Variants in PSMD14 observed in about 807,000 individuals in gnomAD.
PSMD14 encodes proteasome 26S subunit, non-ATPase 14, also known as ubiquitin C-terminal hydrolase PSMD14.
Under a neutral mutation model 41.2 loss-of-function variants are expected in PSMD14, and 7 were observed. That is an observed-to-expected ratio of 0.17 (90% CI 0.10 to 0.32). The LOEUF is 0.32. PSMD14 is among the 10% of genes least tolerant of loss of function. The pLI, the probability that PSMD14 is intolerant of heterozygous loss-of-function variation, is 1.00. For missense variants in PSMD14, 139 were observed against 375.6 expected (o/e 0.37, Z 5.21); for synonymous variants, 114 against 122.3 (o/e 0.93, Z 0.45).
intron 6 of PSMD14, 52 bp from the exon 7 acceptor site, chr2:161,371,120 T>C (rs1400764018): frequency 2.6e-6 from 4 of 1,559,256 alleles, no homozygotes; most frequent in African/African-American, 1.4e-5. Context: ...TTTCATATCA[T>C]AAATGTATTA....
chr2:161,341,251 G>A, intron 3 of PSMD14: 1 of 1,003,258 alleles, frequency 1.0e-6, no homozygotes, highest in African/African-American at 1.8e-5. Context: ...CGCCGCACCA[G>A]TAGCCAGGCG....
At position 161,357,076 on chromosome 2, in the gene PSMD14, C is replaced by CTTTTTTTTTTTTTTTTTTTTTT. The variant is rs71281822; in HGVS notation, c.49-10390_49-10389insTTTTTTTTTTTTTTTTTTTTTT. ...TTTATGCTGTTATAATGGCAAATGC[C>CTTTTTTTTTTTTTTTTTTTTTT]TTTTTTTTTTTTAGCACTTAGTCAA... On this transcript the variant is annotated intron_variant, in intron 3 of 11. Coordinates refer to ENST00000409682, the MANE Select transcript of PSMD14 (RefSeq NM_005805.6). Among the ~76,000 whole-genome samples the CTTTTTTTTTTTTTTTTTTTTTT allele has an allele frequency of 3.5e-3, 429 of 123,992 alleles. 24 individuals carry two copies. Among genetic ancestry groups the CTTTTTTTTTTTTTTTTTTTTTT allele is most frequent in the African/African-American group, 5.4e-3 (169 of 31,420 alleles). 81.3% of individuals were successfully genotyped at this position (123,992 alleles called of 152,430 possible).
chr2:161,376,686 GA>G (rs769888305), intron 7 of PSMD14, among the ~76,000 whole-genome samples: 9 of 152,002 alleles, frequency 5.9e-5, no homozygotes, highest in Non-Finnish European at 8.8e-5. Flanking sequence ...ATATTACTTT[GA>G]AACTTGGGCC....
chr2:161,371,339 CT>C lies in PSMD14; in HGVS notation c.462+20del, dbSNP rs1457386073. The stretch of plus-strand genomic sequence containing the variant: ...AAAGGAAAGGTAGAGTAGATTCTAT[CT>C]TTATTGCCATCTACTGCCACATTCT... On this transcript the variant is annotated intron_variant, in intron 7 of 11. Transcript: ENST00000409682. 25 of 1,596,456 alleles carry C rather than the reference CT, an allele frequency of 1.6e-5. No individual in the cohort carries two copies. Among genetic ancestry groups the C allele is most frequent in the Non-Finnish European group, 2.1e-5 (25 of 1,169,874 alleles).
chr2:161,396,838 T>G (rs757132935), intron 10 of PSMD14, among the ~76,000 whole-genome samples: 2 of 152,104 alleles, frequency 1.3e-5, no homozygotes, highest in Non-Finnish European at 2.9e-5. Flanking sequence ...TTTGTTTGTT[T>G]GCTTTTTGAG....
intron 8 of PSMD14, among the ~76,000 whole-genome samples, chr2:161,390,162 C>T (rs1445551957): frequency 6.6e-6 from 1 of 151,864 alleles, no homozygotes; most frequent in Non-Finnish European, 1.5e-5. Flanking sequence ...CCCCTTCTTC[C>T]TCTACCTCAG....
intron 8 of PSMD14, among the ~76,000 whole-genome samples, chr2:161,389,242 T>C (rs1456875456): frequency 1.3e-5 from 2 of 152,138 alleles, no homozygotes; most frequent in Middle Eastern, 3.2e-3. Flanking sequence ...ATGACCACCA[T>C]GTAGGGTTGT....
intron 7 of PSMD14, among the ~76,000 whole-genome samples, chr2:161,373,608 C>T (rs1028764666): frequency 2.0e-5 from 3 of 151,766 alleles, no homozygotes; most frequent in Admixed American, 6.6e-5. Flanking sequence ...CCTTTTCCTG[C>T]GTGTGATTTA....
At chr2:161,310,429 C>T (rs773356756) in intron 1 of PSMD14, among the ~76,000 whole-genome samples, 1 of 152,082 alleles carries the variant, frequency 6.6e-6, no homozygotes, top group Non-Finnish European at 1.5e-5. Flanking sequence ...GAAAGCCTTG[C>T]CTGAATATCC....
At chr2:161,378,168 A>G (rs529718455) in intron 7 of PSMD14, among the ~76,000 whole-genome samples, 2 of 152,082 alleles carry the variant, frequency 1.3e-5, no homozygotes, top group East Asian at 3.9e-4. Context: ...TTCTTCAGTC[A>G]TAATTGATCC....
Position 161,327,946 on chromosome 2 carries a change from C to CTGTGTGTGTGTGTGTGTGTGTGTGTG in PSMD14, c.48+9086_48+9111dup, listed in dbSNP as rs369674882. Among the ~76,000 whole-genome samples, 365 of 117,122 alleles carry CTGTGTGTGTGTGTGTGTGTGTGTGTG rather than the reference C, an allele frequency of 3.1e-3. 13 individuals are homozygous for CTGTGTGTGTGTGTGTGTGTGTGTGTG. The highest frequency in any genetic ancestry group is 0.015 in the East Asian group (51 of 3,396). 76.8% of individuals were successfully genotyped at this position (117,122 alleles called of 152,430 possible). A position where few individuals can be genotyped will look rare whatever the true frequency, so the allele number is the denominator to read the frequency against. On this transcript the variant is annotated intron_variant, in intron 3 of 11. Coordinates refer to ENST00000409682, the MANE Select transcript of PSMD14 (RefSeq NM_005805.6). The stretch of plus-strand genomic sequence containing the variant: ...GGGGAAGCAGGAATTCTCATGTAAG[C>CTGTGTGTGTGTGTGTGTGTGTGTGTG]TGTGTGTGTGTGTGTGTGTGTGTGT...
Position 161,411,290 on chromosome 2 carries a change from T to C in PSMD14, c.835-12T>C, listed in dbSNP as rs116809341. The C allele has an allele frequency of 1.6e-3, 2,588 of 1,568,926 alleles. 36 individuals are homozygous for C. In the African/African-American group the frequency reaches 0.029, roughly 18 times the overall value. On this transcript the variant is annotated splice_polypyrimidine_tract_variant and intron_variant, in intron 11 of 11. Transcript: ENST00000409682. ...GGTTCTGTTTTCTCTTTCCTCATTT[T>C]TGTTCTTTTAGGACCCCAAACGTCA...
Position 161,357,076 on chromosome 2 carries a change from C to CTTTTTTTTTTTTTTTTTTTTTTTTT in PSMD14, c.49-10390_49-10389insTTTTTTTTTTTTTTTTTTTTTTTTT, listed in dbSNP as rs71281822. ...TTTATGCTGTTATAATGGCAAATGC[C>CTTTTTTTTTTTTTTTTTTTTTTTTT]TTTTTTTTTTTTAGCACTTAGTCAA... On this transcript the variant is annotated intron_variant, in intron 3 of 11. Transcript: ENST00000409682. Among the ~76,000 whole-genome samples the CTTTTTTTTTTTTTTTTTTTTTTTTT allele has an allele frequency of 3.0e-3, 375 of 124,046 alleles. 48 individuals carry two copies. The highest frequency in any genetic ancestry group is 0.011 in the African/African-American group (340 of 31,356). 81.4% of individuals were successfully genotyped at this position (124,046 alleles called of 152,430 possible).
At chr2:161,351,423 C>T (rs916977467) in intron 3 of PSMD14, among the ~76,000 whole-genome samples, 3 of 152,192 alleles carry the variant, frequency 2.0e-5, no homozygotes, top group Admixed American at 2.0e-4. Context: ...CTTCTCATAT[C>T]TCAAAGTAGC....
intron 3 of PSMD14, among the ~76,000 whole-genome samples, chr2:161,328,695 C>A (rs926309863): frequency 1.3e-5 from 2 of 152,032 alleles, no homozygotes; most frequent in Admixed American, 6.6e-5. Flanking sequence ...AACTGAATAA[C>A]TGAATTTCTA....
At chr2:161,379,277 C>T (rs1259637738) in intron 7 of PSMD14, among the ~76,000 whole-genome samples, 1 of 151,924 alleles carries the variant, frequency 6.6e-6, no homozygotes, top group Non-Finnish European at 1.5e-5. Flanking sequence ...AGGTGATAGT[C>T]TCTTGTAGCT....
intron 7 of PSMD14, among the ~76,000 whole-genome samples, chr2:161,373,269 T>A (rs1232477892): frequency 1.3e-5 from 2 of 152,014 alleles, no homozygotes; most frequent in East Asian, 3.9e-4. Context: ...TGTATCACTG[T>A]CTACTTTTGT....
chr2:161,325,168 T>C (rs1270266182), intron 3 of PSMD14, among the ~76,000 whole-genome samples: 5 of 152,148 alleles, frequency 3.3e-5, no homozygotes, highest in South Asian at 2.1e-4. Flanking sequence ...GCCTGTAAGT[T>C]GTCACTTTGT....
chr2:161,354,042 A>G (rs907150962), intron 3 of PSMD14, among the ~76,000 whole-genome samples: 1 of 152,238 alleles, frequency 6.6e-6, no homozygotes. Context: ...CAAAAGGGCC[A>G]CTGGCACTAT....
Sources: gnomAD v4.1 joint callset for allele counts (sites outside exome capture counted in the v4.1 genomes callset) on GRCh38, gnomAD v4.1.1 for gene constraint, MANE v1.5 for transcripts, NCBI Gene and HGNC (gene_info 2026-07-23, HGNC 2026-07-21) for gene names.